Variants in CCNH observed in about 807,000 individuals in gnomAD.
CCNH encodes cyclin H, also known as cyclin-H.
In CCNH, 31 loss-of-function variants were observed where a neutral mutation model predicts 41.9. The observed-to-expected ratio is 0.74, with a 90% CI of 0.56 to 1.00. The LOEUF (loss-of-function observed/expected upper bound fraction) is 1.00. CCNH is among the 50% of genes least tolerant of loss of function. The pLI is 0.00. For synonymous variants in CCNH, 138 were observed against 136.1 expected (o/e 1.01, Z -0.10); for missense variants, 362 against 388.4 (o/e 0.93, Z 0.57).
chr5:87,361,497 T>TA (rs1165016155), intron 9 of CCNH, among the ~76,000 whole-genome samples: 3 of 152,120 alleles, frequency 2.0e-5, no homozygotes, highest in Non-Finnish European at 4.4e-5. Context: ...CTAAAAGTCA[T>TA]AAAATATGAA....
At chr5:87,376,025 G>A (rs565763254), downstream of CCNH, among the ~76,000 whole-genome samples, 3 of 152,236 alleles carry the variant, frequency 2.0e-5, no homozygotes, top group African/African-American at 7.2e-5. Context: ...CCTGTTTAAA[G>A]TGGAGTTTTC....
chr5:87,384,596 GAT>G (rs1761941343), intron 9 of CCNH, among the ~76,000 whole-genome samples: 1 of 152,046 alleles, frequency 6.6e-6, no homozygotes, highest in South Asian at 2.1e-4. Context: ...CTTTTGGAGA[GAT>G]TTATCTGGAT....
At chr5:87,377,435 A>G (rs925285768), upstream of CCNH, among the ~76,000 whole-genome samples, 3 of 152,188 alleles carry the variant, frequency 2.0e-5, no homozygotes, top group East Asian at 5.8e-4. Flanking sequence ...GGTTCAAGCG[A>G]TTCTCCTGCC....
At chr5:87,374,837 T>C (rs201249348), downstream of CCNH, 906 of 1,609,886 alleles carry the variant, frequency 5.6e-4, no homozygotes, top group Non-Finnish European at 7.1e-4. Context: ...CTTGCTCCTT[T>C]AGTGATCTTC....
chr5:87,332,732 T>C, intron 9 of CCNH: 1 of 1,286,182 alleles, frequency 7.8e-7, no homozygotes, highest in South Asian at 1.4e-5. Flanking sequence ...ATGTTTATTA[T>C]AATTCAAGAA....
intron 3 of CCNH, 142 bp from the exon 4 acceptor site, chr5:87,408,328 T>C (rs1283076101): frequency 8.1e-6 from 4 of 492,828 alleles, no homozygotes; most frequent in Non-Finnish European, 1.4e-5. Flanking sequence ...TGCTAGACAT[T>C]GCAAGAATTG....
At chr5:87,402,507 T>TA (rs1259215829) in intron 5 of CCNH, among the ~76,000 whole-genome samples, 1 of 151,714 alleles carries the variant, frequency 6.6e-6, no homozygotes, top group Admixed American at 6.6e-5. Context: ...CTCAAAATGT[T>TA]AAATAGTTTT....
intron 9 of CCNH, among the ~76,000 whole-genome samples, chr5:87,367,062 AT>A (rs1016493444): frequency 2.0e-5 from 3 of 151,616 alleles, no homozygotes; most frequent in African/African-American, 4.8e-5. Context: ...AACAACAAAA[AT>A]TTTTTTTTCA....
chr5:87,319,401 C>G (rs1199169625), intron 9 of CCNH, among the ~76,000 whole-genome samples: 2 of 152,236 alleles, frequency 1.3e-5, no homozygotes, highest in African/African-American at 4.8e-5. Flanking sequence ...GGAGTCCTGC[C>G]TGGACATCCA....
chr5:87,344,768 C>T (rs943870794), intron 9 of CCNH, among the ~76,000 whole-genome samples: 1 of 151,236 alleles, frequency 6.6e-6, no homozygotes, highest in Non-Finnish European at 1.5e-5. Flanking sequence ...ATCCTCCCAC[C>T]TTGGCCTTCC....
intron 9 of CCNH, chr5:87,346,817 A>G (rs1758897172): frequency 4.1e-6 from 4 of 975,904 alleles, no homozygotes; most frequent in Middle Eastern, 2.2e-4. Flanking sequence ...TTTAGCATTC[A>G]GTTAGTGTTT....
At chr5:87,372,282 T>C, downstream of CCNH, 1 of 1,247,172 alleles carries the variant, frequency 8.0e-7, no homozygotes, top group Non-Finnish European at 1.2e-6. Flanking sequence ...TGAACTGTTT[T>C]GGACATCATA....
intron 9 of CCNH, among the ~76,000 whole-genome samples, chr5:87,342,098 G>GT (rs1758513511): frequency 6.6e-6 from 1 of 151,066 alleles, no homozygotes. Flanking sequence ...CCTGCTGTTT[G>GT]TATTAGTTTG....
intron 9 of CCNH, among the ~76,000 whole-genome samples, chr5:87,364,542 TAA>T (rs1437022231): frequency 1.3e-5 from 2 of 152,280 alleles, no homozygotes; most frequent in Admixed American, 6.5e-5. Context: ...TGATACCTCA[TAA>T]AGAGTTGTTC....
chr5:87,390,904 T>G (rs754627862), downstream of CCNH: 1 of 1,586,066 alleles, frequency 6.3e-7, no homozygotes, highest in Admixed American at 1.7e-5. Flanking sequence ...CCCAGTGTTC[T>G]GCATGGATTC....
intron 9 of CCNH, among the ~76,000 whole-genome samples, chr5:87,338,494 G>C (rs1329247946): frequency 3.6e-4 from 35 of 96,290 alleles, no homozygotes; most frequent in Non-Finnish European, 5.6e-4. Context: ...ACCATGCCCA[G>C]CTAATTTTAT....
At chr5:87,328,769 T>TA (rs963443564) in intron 9 of CCNH, among the ~76,000 whole-genome samples, 3 of 152,148 alleles carry the variant, frequency 2.0e-5, no homozygotes, top group African/African-American at 7.2e-5. Flanking sequence ...GATTGTGGGT[T>TA]AAAAAATGGT....
chr5:87,380,641 A>G (rs764690498), upstream of CCNH: 2 of 1,476,450 alleles, frequency 1.4e-6, no homozygotes, highest in Admixed American at 1.7e-5. Context: ...TAATAGGTGG[A>G]TAATTGTGAA....
At position 87,401,879 on chromosome 5, in the gene CCNH, T is replaced by A. The variant is rs187951661; in HGVS notation, c.690-107A>T. Reference sequence around the variant, plus strand: ...TCCTCATCAAAGGCAATTAAAAAATTTTTAAATTTATGAATGTATAATCTG... The same window carrying A: ...TCCTCATCAAAGGCAATTAAAAAATATTTAAATTTATGAATGTATAATCTG... On this transcript the variant is annotated intron_variant, in intron 5 of 8. Coordinates refer to ENST00000256897, the MANE Select transcript of CCNH (RefSeq NM_001239.4). The A allele has an allele frequency of 6.0e-5, 37 of 616,802 alleles. No homozygotes were observed. The East Asian group carries it at 1.1e-3, about 18-fold the overall frequency. The allele number at this position is 616,802 out of a possible 1,614,324, so 38.2% of individuals were successfully genotyped here.
Sources: allele counts gnomAD v4.1 joint callset (sites outside exome capture counted in the v4.1 genomes callset), GRCh38; gene constraint gnomAD v4.1.1; transcripts MANE v1.5; gene names NCBI Gene and HGNC (gene_info 2026-07-23, HGNC 2026-07-21).